Variants in C1QTNF2 observed in about 807,000 individuals in gnomAD.
The protein encoded by C1QTNF2 is C1q and TNF related 2.
C1QTNF2 carries 15 observed loss-of-function variants against 17.4 expected under a neutral mutation model. The ratio of observed to expected loss-of-function variants is 0.86; its 90% CI spans 0.58 to 1.33. C1QTNF2 has a LOEUF of 1.33. Ranked by LOEUF, C1QTNF2 falls within the 40% of genes most tolerant of loss-of-function variation. C1QTNF2 has a pLI of 0.00. For missense variants in C1QTNF2, 381 were observed against 392.3 expected (o/e 0.97, Z 0.24); for synonymous variants, 154 against 163.3 (o/e 0.94, Z 0.44).
chr5:160,363,248 C>T (rs1764186446), intron 1 of C1QTNF2, among the ~76,000 whole-genome samples: 2 of 152,244 alleles, frequency 1.3e-5, no homozygotes, highest in Admixed American at 1.3e-4. Context: ...TCCTCTCCAG[C>T]TTCTCTGAAA....
chr5:160,354,597 A>AAAAAAAAAATAT (rs769774870), intron 2 of C1QTNF2, among the ~76,000 whole-genome samples, 171 bp downstream of exon 2: 1 of 89,306 alleles, frequency 1.1e-5, no homozygotes, highest in African/African-American at 4.8e-5. Flanking sequence ...AAAAAAAAAA[A>AAAAAAAAAATAT]GTATATATAT....
chr5:160,370,444 G>T, intron 1 of C1QTNF2, 68 bp downstream of exon 1: 7 of 1,365,052 alleles, frequency 5.1e-6, no homozygotes, highest in Non-Finnish European at 6.6e-6. Context: ...GCAGCAGTGC[G>T]AGTCCTCCTC....
intron 1 of C1QTNF2, among the ~76,000 whole-genome samples, chr5:160,362,965 G>GT (rs1764181159): frequency 6.6e-6 from 1 of 152,200 alleles, no homozygotes; most frequent in Non-Finnish European, 1.5e-5. Context: ...ATTTAAAATT[G>GT]TAATTGTTAC....
rs561148021 is a variant in C1QTNF2, at chr5:160,360,328, T to A, written c.-9-5308A>T. Among the ~76,000 whole-genome samples, 4 of 152,312 alleles carry A rather than the reference T, an allele frequency of 2.6e-5. No homozygotes were observed. In the East Asian group the frequency reaches 5.8e-4, roughly 22 times the overall value. On this transcript the variant is annotated intron_variant, in intron 1 of 2. Coordinates refer to ENST00000652664, the MANE Select transcript of C1QTNF2 (RefSeq NM_031908.6). ...GAAATATTTGCTTAATTAGTAAGTG[T>A]TGGAGACGCAGACTCTGCCCTCAAG...
In C1QTNF2 at chr5:160,369,069, A is replaced by C. The variant is rs576487054; in HGVS notation, c.-10+1443T>G. Among the ~76,000 whole-genome samples, 246 of 152,258 alleles carry C rather than the reference A, an allele frequency of 1.6e-3. 1 individual carries two copies. Among genetic ancestry groups the C allele is most frequent in the Admixed American group, 0.014 (215 of 15,302 alleles). On this transcript the variant is annotated intron_variant, in intron 1 of 2. Coordinates refer to ENST00000652664, the MANE Select transcript of C1QTNF2 (RefSeq NM_031908.6). ...TGCTTCTCTTTGAGTTTAAAAAAAA[A>C]AAAAACAGCACAAATACAGAGTATA...
rs1421346668 is a variant in C1QTNF2 at position 160,348,168 on chromosome 5, A to G, written c.*1000T>C. On this transcript the variant is annotated 3_prime_UTR_variant, in exon 3 of 3. Coordinates refer to ENST00000652664, the MANE Select transcript of C1QTNF2 (RefSeq NM_031908.6). Reference sequence around the variant, plus strand: ...GTGGGATCCATTCCTGCCATCTCAGAGCAGCGGTTCTCAGATGCACGTGCA... The same window carrying G: ...GTGGGATCCATTCCTGCCATCTCAGGGCAGCGGTTCTCAGATGCACGTGCA... The G allele has an allele frequency of 6.6e-6, 1 of 152,214 alleles. No homozygotes were observed. The highest frequency in any genetic ancestry group is 2.4e-5 in the African/African-American group (1 of 41,438). The allele number at this position is 152,214 out of a possible 1,614,324, so 9.4% of individuals were successfully genotyped here.
intron 1 of C1QTNF2, among the ~76,000 whole-genome samples, chr5:160,362,594 C>G (rs1383932523): frequency 6.6e-6 from 1 of 152,178 alleles, no homozygotes. Flanking sequence ...TGGACACTGG[C>G]TGGGGTCGAG....
Position 160,358,704 on chromosome 5 carries a change from T to C in C1QTNF2, c.-9-3684A>G, listed in dbSNP as rs1764096262. Among the ~76,000 whole-genome samples, 2 of 152,148 alleles carry C rather than the reference T, an allele frequency of 1.3e-5. 1 individual carries two copies. The highest frequency in any genetic ancestry group is 4.8e-5 in the African/African-American group (2 of 41,428). On this transcript the variant is annotated intron_variant, in intron 1 of 2. Coordinates refer to ENST00000652664, the MANE Select transcript of C1QTNF2 (RefSeq NM_031908.6). ...CAAGGAACCATCTAATCCAACCTCT[T>C]CAGTTACAGATGGGGAAACCAAGGC...
chr5:160,350,986 G>A (rs892106351), intron 2 of C1QTNF2, among the ~76,000 whole-genome samples: 4 of 152,258 alleles, frequency 2.6e-5, no homozygotes, highest in East Asian at 3.9e-4. Context: ...TCCTGACCTC[G>A]TGATCTGCCC....
chr5:160,352,425 G>A (rs920237326), intron 2 of C1QTNF2, among the ~76,000 whole-genome samples: 1 of 152,138 alleles, frequency 6.6e-6, no homozygotes, highest in Admixed American at 6.5e-5. Context: ...TTGGCCCCAG[G>A]GTGACAAGCT....
At chr5:160,366,435 G>A (rs1764249011) in intron 1 of C1QTNF2, among the ~76,000 whole-genome samples, 1 of 152,178 alleles carries the variant, frequency 6.6e-6, no homozygotes, top group South Asian at 2.1e-4. Flanking sequence ...GATGTCATGG[G>A]AGAAGGTTGC....
intron 1 of C1QTNF2, among the ~76,000 whole-genome samples, chr5:160,357,250 T>C (rs1764067989): frequency 6.6e-6 from 1 of 152,042 alleles, no homozygotes; most frequent in Non-Finnish European, 1.5e-5. Context: ...CGAATGGAAA[T>C]TGAGGTGTGG....
rs770656605 is a variant in C1QTNF2 at position 160,349,795 on chromosome 5, C to A, written c.245-14G>T. The A allele has an allele frequency of 2.8e-5, 42 of 1,514,982 alleles. No homozygotes were observed. The highest frequency in any genetic ancestry group is 3.5e-5 in the Non-Finnish European group (40 of 1,142,906). 93.8% of individuals were successfully genotyped at this position (1,514,982 alleles called of 1,614,324 possible). On this transcript the variant is annotated splice_polypyrimidine_tract_variant and intron_variant, in intron 2 of 2. Coordinates refer to ENST00000652664, the MANE Select transcript of C1QTNF2 (RefSeq NM_031908.6). The surrounding 1 kb of genome is among the most constrained non-coding windows in gnomAD (Gnocchi z 4.3). ...GGCCAGGTGGACCTGGAAGACAGAG[C>A]AGCTGGTGTTATGGAGGGTCCTCAC...
At chr5:160,356,453 G>T (rs1372334689) in intron 1 of C1QTNF2, among the ~76,000 whole-genome samples, 1 of 152,216 alleles carries the variant, frequency 6.6e-6, no homozygotes, top group African/African-American at 2.4e-5. Flanking sequence ...TAGTTCTGGG[G>T]TGAAGCTGGA....
chr5:160,365,835 C>A (rs964240930), intron 1 of C1QTNF2, among the ~76,000 whole-genome samples: 8 of 152,340 alleles, frequency 5.3e-5, no homozygotes, highest in African/African-American at 1.9e-4. Context: ...TGTCAAAAAT[C>A]TTGTAAGGCA....
At chr5:160,368,795 CA>C (rs113030654) in intron 1 of C1QTNF2, among the ~76,000 whole-genome samples, 8,271 of 152,026 alleles carry the variant, frequency 0.054, 305 homozygotes, top group Middle Eastern at 0.078. Context: ...AATAGCGAGA[CA>C]GGGGGGAGGA....
chr5:160,353,761 T>C (rs1315697954), intron 2 of C1QTNF2, among the ~76,000 whole-genome samples: 2 of 148,828 alleles, frequency 1.3e-5, no homozygotes, highest in Non-Finnish European at 3.0e-5. Flanking sequence ...CAGCTATTCC[T>C]GGAGCTTGGC....
chr5:160,354,597 AGTATATATATAT>A (rs375039522), intron 2 of C1QTNF2, among the ~76,000 whole-genome samples, 159 bp downstream of exon 2: 2,537 of 89,248 alleles, frequency 0.028, 211 homozygotes, highest in African/African-American at 0.11. Flanking sequence ...AAAAAAAAAA[AGTATATATATAT>A]ATATATATAT....
chr5:160,358,311 G>C (rs1006353209), intron 1 of C1QTNF2, among the ~76,000 whole-genome samples: 5 of 152,154 alleles, frequency 3.3e-5, no homozygotes, highest in African/African-American at 9.7e-5. Context: ...GAAAAACAAG[G>C]CTACAAATAG....
Sources: allele counts gnomAD v4.1 joint callset (sites outside exome capture counted in the v4.1 genomes callset), GRCh38; gene constraint gnomAD v4.1.1; non-coding constraint Gnocchi (gnomAD v3.1); transcripts MANE v1.5; gene names NCBI Gene and HGNC (gene_info 2026-07-23, HGNC 2026-07-21).